NUP50: variants seen among roughly 807,000 people sequenced by gnomAD.
The protein encoded by NUP50 is nucleoporin 50.
A neutral mutation model predicts 36.8 loss-of-function variants in NUP50; 14 were observed. That is an observed-to-expected ratio of 0.38 (90% CI 0.25 to 0.59). NUP50 has a LOEUF of 0.59. Ranked by LOEUF, NUP50 falls within the 20% of genes least tolerant of loss-of-function variation. NUP50 has a pLI of 0.63. For missense variants in NUP50, 455 were observed against 564.6 expected, an observed-to-expected ratio of 0.81 and a Z score of 1.97; for synonymous variants, 195 against 210.8, an observed-to-expected ratio of 0.93 and a Z score of 0.65.
At chr22:45,180,866 A>G (rs962708521) in intron 5 of NUP50, among the ~76,000 whole-genome samples, 1 of 151,420 alleles carries the variant, frequency 6.6e-6, no homozygotes, top group African/African-American at 2.4e-5. Flanking sequence ...GTATTTTTCT[A>G]TCTTTGGCTA....
At chr22:45,184,272 G>C in intron 7 of NUP50, 181 bp from the exon 8 acceptor site, 1 of 618,524 alleles carries the variant, frequency 1.6e-6, no homozygotes, top group Non-Finnish European at 2.9e-6. Context: ...CACAGTGAGG[G>C]CAAGTGCTCC....
intron 1 of NUP50, among the ~76,000 whole-genome samples, chr22:45,167,531 A>G (rs8140264): frequency 0.43 from 65,296 of 152,064 alleles, 15,096 homozygotes; most frequent in Non-Finnish European, 0.52. Flanking sequence ...TTGAAAGGTT[A>G]TAAGTTCCCA....
At chr22:45,178,040 C>T (rs549746619) in intron 4 of NUP50, 198 bp from the exon 5 acceptor site, 12 of 557,016 alleles carry the variant, frequency 2.2e-5, no homozygotes, top group African/African-American at 1.7e-4. Flanking sequence ...GCAGGAGAAT[C>T]GCTTGAACCT....
rs773184929 is a variant in NUP50, at chr22:45,171,598, A to T, written c.70-2A>T. The T allele has an allele frequency of 6.2e-7, 1 of 1,612,664 alleles. No individual in the cohort carries two copies. The highest frequency in any genetic ancestry group is 1.1e-5 in the South Asian group (1 of 91,072). The stretch of plus-strand genomic sequence containing the variant: ...TGCTGCTTAATTTGTATTGTATTGC[A>T]GGTGGGAACATTCTCCATGGCCAGT... On this transcript the variant is annotated splice_acceptor_variant, in intron 2 of 7. Coordinates refer to ENST00000347635, the MANE Select transcript of NUP50 (RefSeq NM_007172.4). LOFTEE classifies it high-confidence loss of function.
chr22:45,180,156 G>C (rs941478850), intron 5 of NUP50: 5 of 152,184 alleles, frequency 3.3e-5, no homozygotes, highest in African/African-American at 1.2e-4. Context: ...GATTTGAATC[G>C]AGTCCCAGTG....
chr22:45,170,400 C>T (rs944616063), intron 2 of NUP50, among the ~76,000 whole-genome samples: 2 of 152,152 alleles, frequency 1.3e-5, no homozygotes, highest in Non-Finnish European at 2.9e-5. Flanking sequence ...GTGTGTTACC[C>T]CCAGGCCAGA....
At position 45,186,179 on chromosome 22, in the gene NUP50, T is replaced by C. The variant is rs189514545; in HGVS notation, c.*1524T>C. 2.6e-5 allele frequency: 4 copies of C among 152,352 alleles called. No homozygotes were observed. The highest frequency in any genetic ancestry group is 7.2e-5 in the African/African-American group (3 of 41,598). The allele number at this position is 152,352 out of a possible 1,614,324, so 9.4% of individuals were successfully genotyped here. ...AGTGTTTTGATTCCACTGGGAGAAT[T>C]TGGCCTAGTGTGTGGCTTTGGATGA... On this transcript the variant is annotated 3_prime_UTR_variant, in exon 8 of 8. Transcript: ENST00000347635.
At chr22:45,167,464 A>G (rs571748813) in intron 1 of NUP50, among the ~76,000 whole-genome samples, 1 of 152,058 alleles carries the variant, frequency 6.6e-6, no homozygotes, top group African/African-American at 2.4e-5. Flanking sequence ...CCGTTCCCCA[A>G]CTCCTGCCCC....
chr22:45,179,528 A>C (rs75706583), intron 5 of NUP50, among the ~76,000 whole-genome samples: 4,323 of 152,224 alleles, frequency 0.028, 79 homozygotes, highest in Non-Finnish European at 0.043. Context: ...TGATGTCATG[A>C]TGCTGCTTCC....
intron 7 of NUP50, chr22:45,183,962 G>C (rs915920967): frequency 4.7e-6 from 1 of 210,988 alleles, no homozygotes; most frequent in African/African-American, 2.3e-5. Context: ...TAGTGGTAGA[G>C]AACAGGGGGC....
chr22:45,175,837 GC>G, intron 3 of NUP50, 56 bp from the exon 4 acceptor site: 2 of 1,569,602 alleles, frequency 1.3e-6, no homozygotes, highest in East Asian at 4.5e-5. Context: ...TCACTCACTT[GC>G]TTTTTGGTAA....
chr22:45,182,960 AAAAAG>A (rs1444941000), intron 6 of NUP50, among the ~76,000 whole-genome samples: 1 of 151,728 alleles, frequency 6.6e-6, no homozygotes, highest in Non-Finnish European at 1.5e-5. Context: ...GCCACAAAAA[AAAAAG>A]GAGGGAGAGG....
intron 5 of NUP50, chr22:45,179,355 A>G (rs573614594): frequency 5.0e-4 from 77 of 155,310 alleles, no homozygotes; most frequent in Middle Eastern, 6.8e-3. Context: ...ATAGCCATAG[A>G]GAAGAAATCA....
intron 5 of NUP50, chr22:45,179,177 TA>T (rs2074327029): frequency 9.1e-6 from 3 of 327,984 alleles, no homozygotes; most frequent in South Asian, 1.7e-4. Context: ...GTTTAGCATA[TA>T]AAAAACAAGT....
intron 2 of NUP50, chr22:45,171,213 T>C (rs1225526988): frequency 1.8e-6 from 2 of 1,123,374 alleles, no homozygotes; most frequent in Admixed American, 8.6e-5. Flanking sequence ...TTATTTATTT[T>C]TTTGAGACAG....
At chr22:45,170,452 A>G (rs538014301) in intron 2 of NUP50, among the ~76,000 whole-genome samples, 103 of 152,316 alleles carry the variant, frequency 6.8e-4, no homozygotes, top group African/African-American at 2.3e-3. Context: ...GGTTAACAGC[A>G]TAGTGCTAAG....
chr22:45,182,623 GTTTTTTTT>G lies in NUP50; in HGVS notation c.1086-767_1086-760del, dbSNP rs550478534. On this transcript the variant is annotated intron_variant, in intron 6 of 7. Coordinates refer to ENST00000347635, the MANE Select transcript of NUP50 (RefSeq NM_007172.4). The stretch of plus-strand genomic sequence containing the variant: ...AAAAACTGAAAGAGCCTTGAGGTTT[GTTTTTTTT>G]TTTTTTTTTTTGAGACGGAGTCTCT... Among the ~76,000 whole-genome samples, 6 of 95,942 alleles carry G rather than the reference GTTTTTTTT, an allele frequency of 6.3e-5. No individual in the cohort carries two copies. The East Asian group carries it at 1.0e-3, about 16-fold the overall frequency. The allele number at this position is 95,942 out of a possible 152,430, so 62.9% of individuals were successfully genotyped here.
At chr22:45,172,337 C>T (rs1232345535) in intron 3 of NUP50, 1 of 152,092 alleles carries the variant, frequency 6.6e-6, no homozygotes, top group African/African-American at 2.4e-5. Context: ...TGAAATAAAC[C>T]TACCCTACCT....
chr22:45,171,745 A>T, intron 3 of NUP50, 62 bp downstream of exon 3: 1 of 1,292,944 alleles, frequency 7.7e-7, no homozygotes, highest in East Asian at 2.3e-5. Flanking sequence ...TTGCACAGCA[A>T]TCCCTCCGCT....
Sources: allele counts gnomAD v4.1 joint callset (sites outside exome capture counted in the v4.1 genomes callset), GRCh38; gene constraint gnomAD v4.1.1; transcripts MANE v1.5; gene names NCBI Gene and HGNC (gene_info 2026-07-23, HGNC 2026-07-21).